GRM4: variants seen among roughly 807,000 people sequenced by gnomAD.
GRM4 encodes metabotropic glutamate receptor 4.
GRM4 carries 28 observed loss-of-function variants against 81.7 expected under a neutral mutation model. That is an observed-to-expected ratio of 0.34 (90% confidence interval 0.25 to 0.47). The LOEUF is 0.47. Among genes scored for constraint, GRM4 ranks in the 20% least tolerant of loss-of-function variants. The probability of loss-of-function intolerance (pLI) is 1.00; values close to 1 mark genes in which losing one functional copy is unlikely to be tolerated. For synonymous variants in GRM4, 488 were observed against 528.8 expected, an observed-to-expected ratio of 0.92 and a Z score of 1.06; for missense variants, 948 against 1,290.0, an observed-to-expected ratio of 0.73 and a Z score of 4.06.
rs372822918 is a variant in GRM4 at position 34,103,397 on chromosome 6, G to A, written c.520-11298C>T. On this transcript the variant is annotated intron_variant, in intron 2 of 10. Transcript: ENST00000538487. Reference sequence around the variant, plus strand: ...GAAGCTGGAGAAGAATAGTGGGTACGGAGGGGAGAGCCTCGGCAGGGCTGA... The same window carrying A: ...GAAGCTGGAGAAGAATAGTGGGTACAGAGGGGAGAGCCTCGGCAGGGCTGA... Among the ~76,000 whole-genome samples the A allele has an allele frequency of 2.7e-3, 414 of 152,332 alleles. 2 individuals carry two copies. Among genetic ancestry groups the A allele is most frequent in the African/African-American group, 9.3e-3 (388 of 41,562 alleles).
upstream of GRM4, among the ~76,000 whole-genome samples, chr6:34,150,401 GAGTT>G (rs151059490): frequency 0.03 from 4,592 of 152,284 alleles, 94 homozygotes; most frequent in African/African-American, 0.054. Context: ...GCAGGACAGA[GAGTT>G]AGAGGCTAGG....
At position 34,047,148 on chromosome 6, in the gene GRM4, T is replaced by C. The variant is rs527436421; in HGVS notation, c.1169-6400A>G. On this transcript the variant is annotated intron_variant, in intron 6 of 10. Transcript: ENST00000538487. This position sits in a 1 kb window ranked among gnomAD's most constrained non-coding sequence, Gnocchi z 4.5. ...GAGGACTGAGGGAGATGCAACACCA[T>C]GTCTTGTGCACAGAAGTCCTCTCTC... Among the ~76,000 whole-genome samples, 3 of 152,156 alleles carry C rather than the reference T, an allele frequency of 2.0e-5. No individual in the cohort carries two copies. In the South Asian group the frequency reaches 6.2e-4, roughly 32 times the overall value.
intron 1 of GRM4, among the ~76,000 whole-genome samples, chr6:34,140,381 C>T (rs1265308756): frequency 3.9e-5 from 6 of 152,076 alleles, no homozygotes. Flanking sequence ...AGGACCTTAT[C>T]GACCACGGTG....
chr6:34,132,908 G>T, intron 2 of GRM4, 70 bp downstream of exon 2: 1 of 1,320,912 alleles, frequency 7.6e-7, no homozygotes, highest in Non-Finnish European at 1.0e-6. Flanking sequence ...GCCAGGCCTG[G>T]CACCCTGAAG....
chr6:34,145,145 G>C (rs1046494756), intron 1 of GRM4, among the ~76,000 whole-genome samples: 2 of 151,918 alleles, frequency 1.3e-5, no homozygotes, highest in Non-Finnish European at 2.9e-5. Flanking sequence ...GGCCTGCCCC[G>C]GGGGCGCAGG....
chr6:34,072,282 C>T (rs771045768), intron 3 of GRM4, among the ~76,000 whole-genome samples: 18 of 142,306 alleles, frequency 1.3e-4, no homozygotes, highest in Non-Finnish European at 2.3e-4. Flanking sequence ...GATCACCACA[C>T]ATCACACAGA....
intron 3 of GRM4, among the ~76,000 whole-genome samples, chr6:34,087,799 TACACACAC>T (rs71000022): frequency 4.6e-4 from 41 of 88,398 alleles, no homozygotes; most frequent in East Asian, 1.3e-3. Context: ...CATGCACCCC[TACACACAC>T]ACACACACAC....
chr6:34,118,918 T>G (rs1335639188), intron 2 of GRM4, among the ~76,000 whole-genome samples: 1 of 152,224 alleles, frequency 6.6e-6, no homozygotes, highest in Non-Finnish European at 1.5e-5. Flanking sequence ...ACCCACTAAC[T>G]TAATCTCTCA....
At chr6:34,037,910 T>C (rs188984641) in intron 8 of GRM4, among the ~76,000 whole-genome samples, 3 of 144,778 alleles carry the variant, frequency 2.1e-5, no homozygotes, top group East Asian at 2.0e-4. Context: ...GGTGGGTAAG[T>C]AGGGATGCCT....
At chr6:34,049,014 T>C (rs1765485386) in intron 6 of GRM4, among the ~76,000 whole-genome samples, 1 of 152,034 alleles carries the variant, frequency 6.6e-6, no homozygotes, top group Non-Finnish European at 1.5e-5. Flanking sequence ...AAATACGAGG[T>C]CATTTCTCCG....
intron 2 of GRM4, among the ~76,000 whole-genome samples, chr6:34,128,822 A>G (rs1770127236): frequency 6.6e-6 from 1 of 152,098 alleles, no homozygotes; most frequent in Non-Finnish European, 1.5e-5. Flanking sequence ...CCAGAGTCCA[A>G]ATGCTTACCC....
intron 2 of GRM4, among the ~76,000 whole-genome samples, chr6:34,128,478 A>G (rs1446055789): frequency 6.6e-6 from 1 of 151,188 alleles, no homozygotes; most frequent in African/African-American, 2.4e-5. Flanking sequence ...CCCGGGTTCA[A>G]GCGATTCATC....
At chr6:34,029,233 C>T (rs1190586782) in intron 9 of GRM4, among the ~76,000 whole-genome samples, 1 of 152,162 alleles carries the variant, frequency 6.6e-6, no homozygotes, top group Non-Finnish European at 1.5e-5. Flanking sequence ...ATGAAGGAAG[C>T]AGGAAATGCT....
chr6:34,141,878 A>G (rs1052940459), intron 1 of GRM4, among the ~76,000 whole-genome samples: 4 of 152,174 alleles, frequency 2.6e-5, no homozygotes, highest in African/African-American at 9.7e-5. Context: ...TGAAGGAGGA[A>G]CTACCAGCCT....
Position 34,133,428 on chromosome 6 carries a change from G to A in GRM4, c.69C>T (p.Tyr23=), listed in dbSNP as rs576147584. The change falls in exon 2 of 11, where the codon TAC becomes TAT. Residue 23 remains tyrosine, a synonymous_variant. Coordinates refer to ENST00000538487, the MANE Select transcript of GRM4 (RefSeq NM_000841.4). This position sits in a 1 kb window ranked among gnomAD's most constrained non-coding sequence, Gnocchi z 6.5. Reference sequence around the variant, plus strand: ...CCAGGGAGGAAGGCATCCAGGGGCCGTAAAGGCTGAGGAGCAGGCAAAGGG... The same window carrying A: ...CCAGGGAGGAAGGCATCCAGGGGCCATAAAGGCTGAGGAGCAGGCAAAGGG... The part of the protein sequence containing the change: ...RLPLCLLLSL[Y]GPWMPSSLGK... 3.3e-5 allele frequency: 53 copies of A among 1,611,912 alleles called. No homozygotes were observed. The highest frequency in any genetic ancestry group is 6.7e-5 in the East Asian group (3 of 44,890).
At chr6:34,026,403 A>G (rs1236572449) in intron 10 of GRM4, among the ~76,000 whole-genome samples, 3 of 151,912 alleles carry the variant, frequency 2.0e-5, no homozygotes, top group Admixed American at 6.5e-5. Flanking sequence ...GGGGCTCCCC[A>G]CTTCCCTACC....
intron 2 of GRM4, among the ~76,000 whole-genome samples, chr6:34,097,974 TGCTTGGCACA>T (rs536160625): frequency 3.4e-3 from 523 of 152,328 alleles, no homozygotes; most frequent in Non-Finnish European, 6.1e-3. Flanking sequence ...TCTGCCCTAA[TGCTTGGCACA>T]GCACGTAAGT....
rs542290866 is a variant in GRM4 at position 34,034,892 on chromosome 6, A to G, written c.2442+776T>C. On this transcript the variant is annotated intron_variant, in intron 9 of 10. Coordinates refer to ENST00000538487, the MANE Select transcript of GRM4 (RefSeq NM_000841.4). The surrounding 1 kb of genome is among the most constrained non-coding windows in gnomAD (Gnocchi z 4.0). ...ACCCCCGAGTCACCCAGCCAGCACCAGGACTGGGATGTGGGCCGAGCATAC... is the reference window on the plus strand; with the variant it reads ...ACCCCCGAGTCACCCAGCCAGCACCGGGACTGGGATGTGGGCCGAGCATAC... Among the ~76,000 whole-genome samples, 45 of 152,258 alleles carry G rather than the reference A, an allele frequency of 3.0e-4. No individual in the cohort carries two copies. The highest frequency in any genetic ancestry group is 8.9e-4 in the African/African-American group (37 of 41,512).
At chr6:34,028,039 G>A in intron 10 of GRM4, 81 bp downstream of exon 10, 1 of 1,430,190 alleles carries the variant, frequency 7.0e-7, no homozygotes, top group South Asian at 1.3e-5. Context: ...GCGGGGTGGG[G>A]AGGGGCAGGA....
Sources: allele counts gnomAD v4.1 joint callset (sites outside exome capture counted in the v4.1 genomes callset), GRCh38; gene constraint gnomAD v4.1.1; non-coding constraint Gnocchi (gnomAD v3.1); transcripts MANE v1.5; gene names NCBI Gene and HGNC (gene_info 2026-07-23, HGNC 2026-07-21).